NT5C2: variants seen among roughly 807,000 people sequenced by gnomAD.
NT5C2 encodes the protein 5'-nucleotidase, cytosolic II, also known as cytosolic purine 5'-nucleotidase.
A neutral mutation model predicts 76.1 loss-of-function variants in NT5C2; 58 were observed. The ratio of observed to expected loss-of-function variants is 0.76; its 90% CI spans 0.62 to 0.95. The LOEUF is 0.95. NT5C2 is among the 40% of genes least tolerant of loss of function. The probability of loss-of-function intolerance (pLI) is 0.00; values close to 1 mark genes in which losing one functional copy is unlikely to be tolerated. For synonymous variants in NT5C2, 229 were observed against 237.4 expected (o/e 0.96, Z 0.32); for missense variants, 478 against 690.3 (o/e 0.69, Z 3.45).
chr10:103,094,574 A>T (rs1214831834), intron 12 of NT5C2, 119 bp from the exon 13 acceptor site: 1 of 656,194 alleles, frequency 1.5e-6, no homozygotes, highest in African/African-American at 1.8e-5. Context: ...AGATCCCACT[A>T]TTTTATTTTT....
intron 3 of NT5C2, among the ~76,000 whole-genome samples, chr10:103,170,126 C>CA (rs1325588190): frequency 2.0e-5 from 3 of 151,448 alleles, no homozygotes; most frequent in Admixed American, 6.6e-5. Flanking sequence ...GACTCTGTCT[C>CA]AAAAAAAATT....
At chr10:103,111,539 C>T (rs1313999103) in intron 4 of NT5C2, among the ~76,000 whole-genome samples, 1 of 152,136 alleles carries the variant, frequency 6.6e-6, no homozygotes, top group Non-Finnish European at 1.5e-5. Flanking sequence ...AGATGCTGTT[C>T]ATACAAGATA....
chr10:103,183,267 A>ATATATATATATC (rs2091442510), intron 1 of NT5C2, among the ~76,000 whole-genome samples: 1 of 111,196 alleles, frequency 9.0e-6, no homozygotes, highest in Admixed American at 1.1e-4. Flanking sequence ...TGTGTGATAT[A>ATATATATATATC]TATATATATA....
chr10:103,118,506 A>G (rs1180063122), intron 4 of NT5C2, among the ~76,000 whole-genome samples: 1 of 152,004 alleles, frequency 6.6e-6, no homozygotes, highest in Non-Finnish European at 1.5e-5. Flanking sequence ...ACAGACGTGC[A>G]CCACGCTCAA....
intron 1 of NT5C2, among the ~76,000 whole-genome samples, chr10:103,189,054 G>A (rs1227722953): frequency 6.6e-6 from 1 of 151,402 alleles, no homozygotes; most frequent in African/African-American, 2.4e-5. Flanking sequence ...TATGTGCTTG[G>A]AAAGAGAAGA....
At chr10:103,130,950 AC>A (rs967611172) in intron 4 of NT5C2, among the ~76,000 whole-genome samples, 2 of 152,086 alleles carry the variant, frequency 1.3e-5, no homozygotes, top group African/African-American at 4.8e-5. Context: ...CTAAATCCCA[AC>A]CCCCATCCTT....
At chr10:103,110,248 G>A (rs2072614422) in intron 4 of NT5C2, among the ~76,000 whole-genome samples, 1 of 152,090 alleles carries the variant, frequency 6.6e-6, no homozygotes, top group Non-Finnish European at 1.5e-5. Flanking sequence ...TTGAGGTCAG[G>A]AGTTTGAGAC....
intron 3 of NT5C2, chr10:103,146,243 T>C: frequency 1.0e-6 from 1 of 985,416 alleles, no homozygotes; most frequent in Non-Finnish European, 1.2e-6. Flanking sequence ...AACTTGTCAT[T>C]GGATATCACT....
At chr10:103,127,728 A>C (rs2076933772) in intron 4 of NT5C2, among the ~76,000 whole-genome samples, 1 of 152,194 alleles carries the variant, frequency 6.6e-6, no homozygotes, top group African/African-American at 2.4e-5. Context: ...CTTTTGAAAA[A>C]TTAGAAGTTT....
intron 12 of NT5C2, 54 bp from the exon 13 acceptor site, chr10:103,094,509 T>C: frequency 5.7e-6 from 5 of 877,338 alleles, no homozygotes; most frequent in Non-Finnish European, 9.7e-6. Context: ...CTTAAGGCAT[T>C]ACTATTTAAT....
chr10:103,133,699 G>A (rs546746735), intron 4 of NT5C2, among the ~76,000 whole-genome samples: 1 of 152,230 alleles, frequency 6.6e-6, no homozygotes, highest in African/African-American at 2.4e-5. Flanking sequence ...AGCAACTTTG[G>A]AACTGGGTAA....
chr10:103,096,023 C>G, intron 11 of NT5C2, 43 bp from the exon 12 acceptor site: 1 of 1,447,366 alleles, frequency 6.9e-7, no homozygotes, highest in Non-Finnish European at 9.7e-7. Flanking sequence ...ACTACTTTTG[C>G]AAAAGGTATA....
intron 4 of NT5C2, among the ~76,000 whole-genome samples, chr10:103,114,326 T>C (rs980630696): frequency 6.6e-6 from 1 of 152,102 alleles, no homozygotes; most frequent in African/African-American, 2.4e-5. Flanking sequence ...CCTGTATCAC[T>C]GGTACCAGGG....
chr10:103,096,538 CTG>C (rs2068230375), intron 11 of NT5C2, among the ~76,000 whole-genome samples: 1 of 152,078 alleles, frequency 6.6e-6, no homozygotes, highest in African/African-American at 2.4e-5. Context: ...TGGGAAAAAA[CTG>C]TTTTTAAGAG....
intron 3 of NT5C2, among the ~76,000 whole-genome samples, chr10:103,152,835 CTA>C (rs1330722734): frequency 6.6e-6 from 1 of 152,166 alleles, no homozygotes; most frequent in Non-Finnish European, 1.5e-5. Context: ...GAATTCTACT[CTA>C]AATTATTTTT....
At chr10:103,187,808 T>C (rs879259491) in intron 1 of NT5C2, among the ~76,000 whole-genome samples, 2 of 151,940 alleles carry the variant, frequency 1.3e-5, no homozygotes, top group African/African-American at 2.4e-5. Context: ...GTGTGCAAAA[T>C]ATTTTTCAAG....
chr10:103,183,735 T>C (rs185835410), intron 1 of NT5C2, among the ~76,000 whole-genome samples: 4 of 151,966 alleles, frequency 2.6e-5, no homozygotes, highest in East Asian at 1.9e-4. Flanking sequence ...CAATGTACAC[T>C]ATTCAGGTGA....
intron 4 of NT5C2, among the ~76,000 whole-genome samples, chr10:103,132,706 C>G (rs767829950): frequency 1.3e-5 from 2 of 152,012 alleles, no homozygotes; most frequent in African/African-American, 4.8e-5. Flanking sequence ...CCCGCCACCA[C>G]GCCCGGCTAA....
chr10:103,096,145 T>C (rs1408043678), intron 11 of NT5C2, among the ~76,000 whole-genome samples, 165 bp from the exon 12 acceptor site: 1 of 152,214 alleles, frequency 6.6e-6, no homozygotes, highest in Non-Finnish European at 1.5e-5. Flanking sequence ...AAGCCAGAAA[T>C]TAATGCTTTA....
Sources: gnomAD v4.1 joint callset for allele counts (sites outside exome capture counted in the v4.1 genomes callset) on GRCh38, gnomAD v4.1.1 for gene constraint, MANE v1.5 for transcripts, NCBI Gene and HGNC (gene_info 2026-07-23, HGNC 2026-07-21) for gene names.